Variants in GABRB3 observed in about 807,000 individuals in gnomAD.
GABRB3 encodes gamma-aminobutyric acid type A receptor subunit beta3, also known as gamma-aminobutyric acid receptor subunit beta-3.
GABRB3 carries 14 observed loss-of-function variants against 52.1 expected under a neutral mutation model. The observed-to-expected ratio is 0.27, with a 90% CI of 0.18 to 0.42. The LOEUF is 0.42. Among genes scored for constraint, GABRB3 ranks in the 10% least tolerant of loss-of-function variants. The pLI, the probability that GABRB3 is intolerant of heterozygous loss-of-function variation, is 1.00. For missense variants in GABRB3, 307 were observed against 609.1 expected (o/e 0.50, Z 5.22); for synonymous variants, 260 against 232.3 (o/e 1.12, Z -1.08).
upstream of GABRB3, chr15:26,773,638 G>A: frequency 6.4e-7 from 1 of 1,557,234 alleles, no homozygotes; most frequent in Non-Finnish European, 8.7e-7. Context: ...GGAAGCCCCC[G>A]CCTCACCTGC....
intron 4 of GABRB3, among the ~76,000 whole-genome samples, chr15:26,606,789 T>TATAG (rs1555370507): frequency 3.3e-5 from 4 of 122,776 alleles, no homozygotes; most frequent in Admixed American, 8.6e-5. Flanking sequence ...TAGATATATC[T>TATAG]ATAGATAGAT....
At chr15:26,554,696 T>G (rs976914316) in intron 8 of GABRB3, among the ~76,000 whole-genome samples, 1 of 152,158 alleles carries the variant, frequency 6.6e-6, no homozygotes, top group African/African-American at 2.4e-5. Flanking sequence ...GTGTGCATAT[T>G]TTGGAAGATG....
chr15:26,567,794 C>T, intron 6 of GABRB3, 61 bp from the exon 7 acceptor site: 1 of 1,536,260 alleles, frequency 6.5e-7, no homozygotes, highest in Non-Finnish European at 9.0e-7. Flanking sequence ...AAAGAGTTTG[C>T]TTTGACTTCC....
chr15:26,623,896 T>C (rs938451408), intron 3 of GABRB3, among the ~76,000 whole-genome samples: 2 of 152,188 alleles, frequency 1.3e-5, no homozygotes, highest in African/African-American at 4.8e-5. Flanking sequence ...TGTGGCTCCC[T>C]GCTGCTCCAG....
At chr15:26,653,582 A>T (rs1323657649) in intron 3 of GABRB3, among the ~76,000 whole-genome samples, 2 of 151,638 alleles carry the variant, frequency 1.3e-5, no homozygotes, top group African/African-American at 4.8e-5. Context: ...GAGTAATGAA[A>T]CTCCAGTCTC....
At position 26,773,058 on chromosome 15, in the gene GABRB3, CG is replaced by C; in HGVS notation, c.-97del. On this transcript the variant is annotated 5_prime_UTR_variant, in exon 1 of 9. Transcript: ENST00000311550. ...CTGCTGCTGCCGCCGCCGCCGCCGC[CG>C]CCGCGCTGGCCCGGAGCGGAGGAGG... The C allele has an allele frequency of 9.5e-6, 10 of 1,056,160 alleles. No individual in the cohort carries two copies. The highest frequency in any genetic ancestry group is 4.4e-5 in the South Asian group (1 of 22,712). 65.4% of individuals were successfully genotyped at this position (1,056,160 alleles called of 1,614,324 possible).
At chr15:26,676,970 C>T (rs1888088632) in intron 3 of GABRB3, among the ~76,000 whole-genome samples, 2 of 152,234 alleles carry the variant, frequency 1.3e-5, no homozygotes, top group South Asian at 2.1e-4. Context: ...CATGCCTGCT[C>T]ATTTTAGGCT....
chr15:26,763,810 A>T (rs1890889116), intron 3 of GABRB3, among the ~76,000 whole-genome samples: 1 of 152,154 alleles, frequency 6.6e-6, no homozygotes, highest in East Asian at 1.9e-4. Flanking sequence ...TATCATTTTA[A>T]GCTAGCAGAT....
intron 3 of GABRB3, among the ~76,000 whole-genome samples, chr15:26,664,091 G>C (rs1887629911): frequency 6.6e-6 from 1 of 152,100 alleles, no homozygotes; most frequent in Non-Finnish European, 1.5e-5. Flanking sequence ...TTATTGCCCA[G>C]GTGGGAATGC....
intron 4 of GABRB3, chr15:26,615,759 T>G: frequency 8.8e-7 from 1 of 1,131,634 alleles, no homozygotes. Flanking sequence ...GTAGAGGAGC[T>G]AAGTGGCGAC....
chr15:26,580,612 CT>C, intron 5 of GABRB3, 156 bp from the exon 6 acceptor site: 2 of 949,808 alleles, frequency 2.1e-6, no homozygotes, highest in Admixed American at 3.8e-5. Flanking sequence ...AAAGAACTAA[CT>C]TTCCAATATT....
chr15:26,587,458 G>A (rs1287203334), intron 4 of GABRB3, among the ~76,000 whole-genome samples: 1 of 152,166 alleles, frequency 6.6e-6, no homozygotes, highest in African/African-American at 2.4e-5. Context: ...GGAGCAGAGC[G>A]AATAAAGTAG....
Position 26,616,976 on chromosome 15 carries a change from G to C in GABRB3, c.461+4338C>G, listed in dbSNP as rs1279990133. The stretch of plus-strand genomic sequence containing the variant: ...TCTGTTAAAAAAAAAAACAAAAAGT[G>C]TATGTGTCGAGGAATTTATCCATCG... On this transcript the variant is annotated intron_variant, in intron 4 of 8. Coordinates refer to ENST00000311550, the MANE Select transcript of GABRB3 (RefSeq NM_000814.6). 6.6e-5 allele frequency among the ~76,000 whole-genome samples: 10 copies of C among 151,956 alleles called. No individual in the cohort carries two copies. In the East Asian group the frequency reaches 1.7e-3, roughly 26 times the overall value.
intron 3 of GABRB3, among the ~76,000 whole-genome samples, chr15:26,656,604 C>T (rs1270770136): frequency 6.6e-6 from 1 of 152,140 alleles, no homozygotes; most frequent in African/African-American, 2.4e-5. Flanking sequence ...GAGCTTGGCC[C>T]CCTGTTAGAT....
At chr15:26,645,749 G>A (rs949760236) in intron 3 of GABRB3, among the ~76,000 whole-genome samples, 1 of 151,952 alleles carries the variant, frequency 6.6e-6, no homozygotes, top group Non-Finnish European at 1.5e-5. Context: ...CCTAAACTAG[G>A]GTTTTTAATG....
intron 3 of GABRB3, among the ~76,000 whole-genome samples, chr15:26,705,870 A>G (rs138949960): frequency 6.6e-6 from 1 of 152,238 alleles, no homozygotes; most frequent in Non-Finnish European, 1.5e-5. Context: ...TAAAGATGGG[A>G]ACAATAGATA....
intron 3 of GABRB3, chr15:26,750,050 A>T (rs6576604): frequency 0.91 from 138,188 of 152,066 alleles, 62,893 homozygotes; most frequent in East Asian, 1. Flanking sequence ...TTTAGAAAAA[A>T]TTTTTAACTG....
chr15:26,773,613 G>T, upstream of GABRB3: 1 of 1,526,928 alleles, frequency 6.5e-7, no homozygotes, highest in Non-Finnish European at 8.9e-7. Context: ...TCCCGACGGT[G>T]CCTGCAGAAC....
chr15:26,587,471 TGTG>T (rs1465326408), intron 4 of GABRB3, among the ~76,000 whole-genome samples: 1 of 152,196 alleles, frequency 6.6e-6, no homozygotes, highest in Admixed American at 6.5e-5. Flanking sequence ...TAAAGTAGGC[TGTG>T]GAGCAGGAGC....
Sources: gnomAD v4.1 joint callset for allele counts (sites outside exome capture counted in the v4.1 genomes callset) on GRCh38, gnomAD v4.1.1 for gene constraint, MANE v1.5 for transcripts, NCBI Gene and HGNC (gene_info 2026-07-23, HGNC 2026-07-21) for gene names.